DLGAP2: variants seen among roughly 807,000 people sequenced by gnomAD.
DLGAP2 encodes DLG associated protein 2.
In DLGAP2, 26 loss-of-function variants were observed where a neutral mutation model predicts 100.3. The observed-to-expected ratio is 0.26, with a 90% confidence interval of 0.19 to 0.36. The LOEUF (loss-of-function observed/expected upper bound fraction) is 0.36. Among genes scored for constraint, DLGAP2 ranks in the 10% least tolerant of loss-of-function variants. DLGAP2 has a pLI of 1.00. For missense variants in DLGAP2, 1,858 were observed against 1,453.2 expected, an observed-to-expected ratio of 1.28 and a Z score of -4.53; for synonymous variants, 886 against 630.1, an observed-to-expected ratio of 1.41 and a Z score of -6.08.
chr8:791,571 A>C (rs995973736), intron 1 of DLGAP2, among the ~76,000 whole-genome samples: 1 of 152,246 alleles, frequency 6.6e-6, no homozygotes, highest in Non-Finnish European at 1.5e-5. Flanking sequence ...ATACATTTAA[A>C]TGCCCACATT....
intron 2 of DLGAP2, among the ~76,000 whole-genome samples, chr8:1,232,164 C>G (rs1367710177): frequency 6.6e-6 from 1 of 152,200 alleles, no homozygotes; most frequent in East Asian, 1.9e-4. Flanking sequence ...CTGGGTGGTG[C>G]TGAGCCTTTG....
intron 6 of DLGAP2, among the ~76,000 whole-genome samples, chr8:1,571,026 C>T (rs918517311): frequency 4.6e-5 from 6 of 130,572 alleles, no homozygotes; most frequent in South Asian, 2.7e-4. Context: ...GGAGGGGCAT[C>T]TTCTGGGATG....
intron 2 of DLGAP2, among the ~76,000 whole-genome samples, chr8:946,450 A>T (rs1799325158): frequency 6.6e-6 from 1 of 151,540 alleles, no homozygotes; most frequent in Non-Finnish European, 1.5e-5. Context: ...GTTTTTGTAG[A>T]GACGGGGTTT....
chr8:1,104,454 C>T (rs945783483), intron 2 of DLGAP2, among the ~76,000 whole-genome samples: 2 of 152,154 alleles, frequency 1.3e-5, no homozygotes, highest in East Asian at 1.9e-4. Flanking sequence ...AGTCACGGCA[C>T]GTGTGGGCCA....
At chr8:1,061,111 C>G (rs569474010) in intron 2 of DLGAP2, among the ~76,000 whole-genome samples, 1 of 152,344 alleles carries the variant, frequency 6.6e-6, no homozygotes, top group Admixed American at 6.5e-5. Context: ...TCCACCAGGT[C>G]TGTTTTCCAG....
intron 3 of DLGAP2, among the ~76,000 whole-genome samples, chr8:1,360,442 G>GT (rs1801957903): frequency 6.7e-6 from 1 of 150,028 alleles, no homozygotes; most frequent in Non-Finnish European, 1.5e-5. Context: ...TGCCCTGAGT[G>GT]TTTTGCCCAC....
chr8:1,183,909 T>C (rs1159899405), intron 2 of DLGAP2, among the ~76,000 whole-genome samples: 7 of 152,230 alleles, frequency 4.6e-5, no homozygotes, highest in African/African-American at 1.7e-4. Context: ...ATTTATCAAA[T>C]AGGAATAATA....
At chr8:1,526,963 T>A (rs1002902577) in intron 4 of DLGAP2, among the ~76,000 whole-genome samples, 1 of 152,226 alleles carries the variant, frequency 6.6e-6, no homozygotes, top group Non-Finnish European at 1.5e-5. Context: ...CGAGTTAGGC[T>A]GCAAGCAGCG....
At chr8:935,143 G>A (rs956918851) in intron 2 of DLGAP2, among the ~76,000 whole-genome samples, 1 of 152,362 alleles carries the variant, frequency 6.6e-6, no homozygotes, top group South Asian at 2.1e-4. Flanking sequence ...GGGACGCTGA[G>A]GCGGCTGCCC....
intron 1 of DLGAP2, among the ~76,000 whole-genome samples, chr8:743,900 G>A (rs1274221520): frequency 6.6e-6 from 1 of 152,228 alleles, no homozygotes; most frequent in Non-Finnish European, 1.5e-5. Flanking sequence ...CCGTGGCCGG[G>A]TCTTCATGTC....
Position 1,454,650 on chromosome 8 carries a change from C to G in DLGAP2, c.107-46716C>G, listed in dbSNP as rs548118144. Among the ~76,000 whole-genome samples the G allele has an allele frequency of 1.5e-3, 224 of 152,244 alleles. 1 individual carries two copies. The highest frequency in any genetic ancestry group is 3.2e-4 in the Non-Finnish European group (22 of 68,012). On this transcript the variant is annotated intron_variant, in intron 3 of 14. Transcript: ENST00000637795. ...CTCCATTCCAGGGGCTGGATATTTC[C>G]AAAAACTCAAAGGACATTTTTGACT...
chr8:876,655 C>T (rs986134285), intron 1 of DLGAP2, among the ~76,000 whole-genome samples: 1 of 152,136 alleles, frequency 6.6e-6, no homozygotes, highest in Non-Finnish European at 1.5e-5. Context: ...GTGGAGCTTC[C>T]TGGATGTGTA....
intron 2 of DLGAP2, among the ~76,000 whole-genome samples, chr8:1,186,702 C>G (rs1797512341): frequency 6.6e-6 from 1 of 152,140 alleles, no homozygotes; most frequent in Non-Finnish European, 1.5e-5. Flanking sequence ...CCTTTCTGAG[C>G]TGATATTCTG....
chr8:1,070,787 G>A (rs750969690), intron 2 of DLGAP2, among the ~76,000 whole-genome samples: 3 of 152,154 alleles, frequency 2.0e-5, no homozygotes, highest in Admixed American at 6.6e-5. Context: ...AGAAGGACGC[G>A]CTGGCTTTTC....
chr8:758,865 C>G (rs781667681), intron 1 of DLGAP2, among the ~76,000 whole-genome samples: 2 of 152,070 alleles, frequency 1.3e-5, no homozygotes, highest in African/African-American at 4.8e-5. Context: ...CCGGCCAAGA[C>G]TATTTTTCAA....
At chr8:919,596 T>C (rs1798666788) in intron 2 of DLGAP2, among the ~76,000 whole-genome samples, 1 of 152,124 alleles carries the variant, frequency 6.6e-6, no homozygotes, top group Admixed American at 6.5e-5. Context: ...GTCCTGAGAA[T>C]AGGAGAGGCT....
At chr8:1,241,480 C>T (rs998372265) in intron 2 of DLGAP2, among the ~76,000 whole-genome samples, 3 of 152,210 alleles carry the variant, frequency 2.0e-5, no homozygotes, top group Non-Finnish European at 4.4e-5. Context: ...TCTTCCTTGA[C>T]GTTACTGCAG....
At chr8:790,121 A>G (rs935335873) in intron 1 of DLGAP2, among the ~76,000 whole-genome samples, 1 of 152,190 alleles carries the variant, frequency 6.6e-6, no homozygotes, top group African/African-American at 2.4e-5. Context: ...TTGAGGAGAA[A>G]AGGTCACCTT....
intron 3 of DLGAP2, among the ~76,000 whole-genome samples, chr8:1,276,108 T>C (rs1270147931): frequency 7.1e-6 from 1 of 141,324 alleles, no homozygotes; most frequent in African/African-American, 2.7e-5. Context: ...TATATAAATA[T>C]ATATATAATA....
Sources: allele counts gnomAD v4.1 joint callset (sites outside exome capture counted in the v4.1 genomes callset), GRCh38; gene constraint gnomAD v4.1.1; transcripts MANE v1.5; gene names NCBI Gene and HGNC (gene_info 2026-07-23, HGNC 2026-07-21).